MASTL: variants seen among roughly 807,000 people sequenced by gnomAD.
MASTL encodes the protein serine/threonine-protein kinase greatwall.
A neutral mutation model predicts 82.5 loss-of-function variants in MASTL; 54 were observed. The ratio of observed to expected loss-of-function variants is 0.65; its 90% CI spans 0.53 to 0.82. The LOEUF (loss-of-function observed/expected upper bound fraction) is 0.82. Ranked by LOEUF, MASTL falls within the 40% of genes least tolerant of loss-of-function variation. The pLI, the probability that MASTL is intolerant of heterozygous loss-of-function variation, is 0.00. For missense variants in MASTL, 950 were observed against 1,047.8 expected, an observed-to-expected ratio of 0.91 and a Z score of 1.29; for synonymous variants, 323 against 368.9, an observed-to-expected ratio of 0.88 and a Z score of 1.43.
chr10:27,160,815 T>G lies in MASTL; in HGVS notation c.465-279T>G, dbSNP rs572275578. Among the ~76,000 whole-genome samples the G allele has an allele frequency of 1.1e-4, 17 of 152,178 alleles. No individual in the cohort carries two copies. The South Asian group carries it at 3.5e-3, about 32-fold the overall frequency. Reference sequence around the variant, plus strand: ...AATTTGAACTGGCTTGAGGTTGATTTTATCTAATAAGGTTTCTTTATTTTA... The same window carrying G: ...AATTTGAACTGGCTTGAGGTTGATTGTATCTAATAAGGTTTCTTTATTTTA... On this transcript the variant is annotated intron_variant, in intron 3 of 11. Transcript: ENST00000375940.
chr10:27,154,520 T>C (rs2057291839), upstream of MASTL: 3 of 475,274 alleles, frequency 6.3e-6, no homozygotes, highest in Non-Finnish European at 1.1e-5. Flanking sequence ...CAAAGGTCTT[T>C]AGCTGTTTTT....
rs1242941890 is a variant in MASTL at position 27,170,057 on chromosome 10, G to A, written c.1098G>A (p.Glu366=). 2 of 1,614,076 alleles carry A rather than the reference G, an allele frequency of 1.2e-6. No individual in the cohort carries two copies. Among genetic ancestry groups the A allele is most frequent in the African/African-American group, 1.3e-5 (1 of 74,942 alleles). The change falls in exon 8 of 12, where the codon GAG becomes GAA. Residue 366 remains glutamate, a synonymous_variant. Coordinates refer to ENST00000375940, the MANE Select transcript of MASTL (RefSeq NM_001172303.3). ...AAGGTTTCAATAAAAAGGATCTGGAGTTAGCTCTTTCTCCCATTCATAACA... is the reference window on the plus strand; with the variant it reads ...AAGGTTTCAATAAAAAGGATCTGGAATTAGCTCTTTCTCCCATTCATAACA... ...ETKGFNKKDL[E]LALSPIHNSS...
chr10:27,169,912 A>G (rs2057864895), intron 7 of MASTL, 32 bp from the exon 8 acceptor site: 8 of 1,609,360 alleles, frequency 5.0e-6, no homozygotes, highest in Non-Finnish European at 6.8e-6. Context: ...TCAGCTTTAT[A>G]TAACTAAAAC....
intron 7 of MASTL, among the ~76,000 whole-genome samples, chr10:27,167,641 A>T (rs2057783146): frequency 6.6e-6 from 1 of 151,472 alleles, no homozygotes; most frequent in Non-Finnish European, 1.5e-5. Context: ...TCATTTAAAA[A>T]CTCATATTAC....
Position 27,170,718 on chromosome 10 carries a change from C to T in MASTL, c.1759C>T (p.Pro587Ser), listed in dbSNP as rs1274016924. The T allele has an allele frequency of 6.2e-7, 1 of 1,613,456 alleles. No homozygotes were observed. Among genetic ancestry groups the T allele is most frequent in the Non-Finnish European group, 8.5e-7 (1 of 1,179,842 alleles). Residue 587 changes from proline to serine, a missense_variant, in exon 8 of 12, where the codon CCC becomes TCC. By Grantham distance (74) the Pro-to-Ser change is moderately conservative. Transcript: ENST00000375940. ...AATGGAAAGTCCATTAGAAAGTCAG[C>T]CCTTAGATTCAGATAGAAGCATCAA... Reference protein sequence around the residue: ...SIMESPLESQPLDSDRSIKES... With the variant: ...SIMESPLESQSLDSDRSIKES...
rs758811317 is a variant in MASTL, at chr10:27,169,972, T to C, written c.1013T>C (p.Met338Thr). The part of the protein sequence containing the change: ...QESDEALGPT[M>T]MSWNAVEKLC... ...AGTGATGAAGCATTGGGCCCAACAA[T>C]GATGAGTTGGAATGCAGTTGAAAAG... The change falls in exon 8 of 12, where the codon ATG (methionine) becomes ACG (threonine). Residue 338 changes from methionine (M) to threonine (T), a missense_variant. Met to Thr is a moderately conservative substitution (Grantham distance 81). Coordinates refer to ENST00000375940, the MANE Select transcript of MASTL (RefSeq NM_001172303.3). 9.9e-6 allele frequency: 16 copies of C among 1,613,966 alleles called. No individual in the cohort carries two copies. Among genetic ancestry groups the C allele is most frequent in the East Asian group, 4.5e-5 (2 of 44,884 alleles).
At chr10:27,166,374 TGTA>T (rs2057741814) in intron 6 of MASTL, among the ~76,000 whole-genome samples, 1 of 152,166 alleles carries the variant, frequency 6.6e-6, no homozygotes, top group African/African-American at 2.4e-5. Context: ...ATTGAGTAAA[TGTA>T]GTCATATTCT....
intron 4 of MASTL, among the ~76,000 whole-genome samples, chr10:27,163,032 T>C (rs1352544723): frequency 3.3e-5 from 5 of 152,108 alleles, no homozygotes; most frequent in African/African-American, 1.2e-4. Context: ...TTCTCCTGCC[T>C]CAGCCTTCTG....
chr10:27,160,569 G>A (rs1055301918), intron 3 of MASTL, among the ~76,000 whole-genome samples: 4 of 151,786 alleles, frequency 2.6e-5, no homozygotes, highest in African/African-American at 9.7e-5. Context: ...TGGACAACAT[G>A]GTGAAACCCT....
chr10:27,155,515 C>T lies in MASTL; in HGVS notation c.89C>T (p.Pro30Leu), dbSNP rs1253308914. Residue 30 changes from proline (P) to leucine (L), a missense_variant, in exon 1 of 12, where the codon CCC (proline) becomes CTC (leucine). Coordinates refer to ENST00000375940, the MANE Select transcript of MASTL (RefSeq NM_001172303.3). ...GVNRIAVPKP[P>L]SIEEFSIVKP... The stretch of plus-strand genomic sequence containing the variant: ...AATAGGATCGCAGTGCCAAAACCGC[C>T]CTCCATTGAGGAATTCAGCATAGTG... The T allele has an allele frequency of 6.2e-7, 1 of 1,614,218 alleles. No homozygotes were observed. Among genetic ancestry groups the T allele is most frequent in the East Asian group, 2.2e-5 (1 of 44,884 alleles).
intron 11 of MASTL, among the ~76,000 whole-genome samples, chr10:27,183,504 C>T (rs773051816): frequency 5.3e-5 from 8 of 151,954 alleles, no homozygotes; most frequent in East Asian, 1.9e-4. Flanking sequence ...AGGATGGTCT[C>T]GATCTCTTGA....
chr10:27,181,520 T>C lies in MASTL; in HGVS notation c.2421T>C (p.Asn807=), dbSNP rs150983055. The change falls in exon 11 of 12, where the codon AAT becomes AAC. Residue 807 remains asparagine, a synonymous_variant. Coordinates refer to ENST00000375940, the MANE Select transcript of MASTL (RefSeq NM_001172303.3). ...WPEGEEKLSD[N]AQSAVEILLT... The stretch of plus-strand genomic sequence containing the variant: ...AAGGTGAAGAAAAGTTATCTGATAA[T>C]GCTCAAAGTGCAGTAGAAATACTTT... 69 of 1,613,274 alleles carry C rather than the reference T, an allele frequency of 4.3e-5. 1 individual carries two copies. Among genetic ancestry groups the C allele is most frequent in the Non-Finnish European group, 5.0e-5 (59 of 1,179,406 alleles).
chr10:27,173,619 C>T (rs1345185354), intron 9 of MASTL, among the ~76,000 whole-genome samples: 1 of 151,628 alleles, frequency 6.6e-6, no homozygotes, highest in Non-Finnish European at 1.5e-5. Flanking sequence ...TCTCTTTTGT[C>T]ACCCAGGCTG....
Position 27,170,888 on chromosome 10 carries a change from G to A in MASTL, c.1929G>A (p.Leu643=), listed in dbSNP as rs2057909854. The A allele has an allele frequency of 6.2e-7, 1 of 1,614,044 alleles. No homozygotes were observed. Among genetic ancestry groups the A allele is most frequent in the African/African-American group, 1.3e-5 (1 of 74,938 alleles). ...TGTTAGGTCCTCCTTTGGAGGTGCT[G>A]AAAACGTTAGCCTCTAAAAGAAATG... The part of the protein sequence containing the change: ...QKMLGPPLEV[L]KTLASKRNAV... Residue 643 remains leucine, a synonymous_variant, in exon 8 of 12, where the codon CTG becomes CTA. Transcript: ENST00000375940.
intron 11 of MASTL, among the ~76,000 whole-genome samples, chr10:27,184,056 C>T (rs2058487563): frequency 6.6e-6 from 1 of 152,058 alleles, no homozygotes; most frequent in African/African-American, 2.4e-5. Flanking sequence ...AGAGTGCCTT[C>T]TAGGAGCTAG....
chr10:27,170,414 A>G lies in MASTL; in HGVS notation c.1455A>G (p.Thr485=). The stretch of plus-strand genomic sequence containing the variant: ...ATACAAATCAAAATACAGGCTTAAC[A>G]GTTGAAGTGCAGGACCTTAAGCTAT... The part of the protein sequence containing the change: ...NCYTNQNTGL[T]VEVQDLKLSV... The change falls in exon 8 of 12, where the codon ACA becomes ACG. Residue 485 remains threonine, a synonymous_variant. Coordinates refer to ENST00000375940, the MANE Select transcript of MASTL (RefSeq NM_001172303.3). 1 of 1,614,148 alleles carries G rather than the reference A, an allele frequency of 6.2e-7. No homozygotes were observed. Among genetic ancestry groups the G allele is most frequent in the Non-Finnish European group, 8.5e-7 (1 of 1,180,006 alleles).
In MASTL at chr10:27,167,094, C is replaced by T. The variant is rs190402403; in HGVS notation, c.812-8C>T. ...AACATGGAATTCAATATTGTCTCTT[C>T]TCTATAGGTCTTGAAACAGTTGCCT... On this transcript the variant is annotated splice_polypyrimidine_tract_variant and splice_region_variant and intron_variant, in intron 6 of 11. Transcript: ENST00000375940. 5.1e-4 allele frequency: 820 copies of T among 1,610,078 alleles called. 1 individual carries two copies. Among genetic ancestry groups the T allele is most frequent in the South Asian group, 7.6e-4 (69 of 91,020 alleles).
chr10:27,170,772 G>A lies in MASTL; in HGVS notation c.1813G>A (p.Glu605Lys). 3.1e-6 allele frequency: 5 copies of A among 1,614,060 alleles called. No individual in the cohort carries two copies. The highest frequency in any genetic ancestry group is 4.2e-6 in the Non-Finnish European group (5 of 1,180,002). The change falls in exon 8 of 12, where the codon GAA becomes AAA. Residue 605 changes from glutamate to lysine, a missense_variant. Transcript: ENST00000375940. ...KESSFEESNI[E>K]DPLIVTPDCQ... Reference sequence around the variant, plus strand: ...ATCCTCTTTTGAAGAATCAAATATTGAAGATCCACTTATTGTAACACCAGA... The same window carrying A: ...ATCCTCTTTTGAAGAATCAAATATTAAAGATCCACTTATTGTAACACCAGA...
chr10:27,172,373 G>A (rs941356808), intron 8 of MASTL, among the ~76,000 whole-genome samples: 5 of 152,124 alleles, frequency 3.3e-5, no homozygotes, highest in East Asian at 3.9e-4. Flanking sequence ...GTCTTACAAA[G>A]TTGTTGTGAA....
Sources: gnomAD v4.1 joint callset for allele counts (sites outside exome capture counted in the v4.1 genomes callset) on GRCh38, gnomAD v4.1.1 for gene constraint, MANE v1.5 for transcripts, NCBI Gene and HGNC (gene_info 2026-07-23, HGNC 2026-07-21) for gene names.